The following ZNF689 variants were observed in gnomAD, a reference collection of about 807,000 sequenced individuals.
The protein encoded by ZNF689 is zinc finger protein 689, also known as short ORF-encoded histone-binding protein.
A neutral mutation model predicts 37.2 loss-of-function variants in ZNF689; 14 were observed. The ratio of observed to expected loss-of-function variants is 0.38; its 90% CI spans 0.25 to 0.59. The LOEUF is 0.59. Among genes scored for constraint, ZNF689 ranks in the 20% least tolerant of loss-of-function variants. The pLI, the probability that ZNF689 is intolerant of heterozygous loss-of-function variation, is 0.68. For missense variants in ZNF689, 573 were observed against 700.2 expected, an observed-to-expected ratio of 0.82 and a Z score of 2.05; for synonymous variants, 277 against 283.3, an observed-to-expected ratio of 0.98 and a Z score of 0.22.
chr16:30,608,798 T>C (rs1272017028), intron 2 of ZNF689, among the ~76,000 whole-genome samples: 1 of 152,176 alleles, frequency 6.6e-6, no homozygotes, highest in African/African-American at 2.4e-5. Context: ...CATGGTCAGA[T>C]CTGAATCTTG....
Position 30,610,018 on chromosome 16 carries a change from G to A in ZNF689, c.24C>T (p.Leu8=), listed in dbSNP as rs1481508279. Residue 8 remains leucine (L), a synonymous_variant, in exon 1 of 3, where the codon CTC becomes CTT. Transcript: ENST00000287461. MAPPSAP[L]PAQGPGKARP... ...TGGCCTTTCCTGGTCCCTGCGCAGG[G>A]AGCGGAGCCGAAGGTGGCGCCATGG... 4.4e-6 allele frequency: 7 copies of A among 1,601,136 alleles called. No individual in the cohort carries two copies. The highest frequency in any genetic ancestry group is 6.0e-6 in the Non-Finnish European group (7 of 1,175,312).
In ZNF689 at chr16:30,610,252, G is replaced by T; in HGVS notation, c.-211C>A. The T allele has an allele frequency of 1.7e-6, 1 of 602,008 alleles. No individual in the cohort carries two copies. The allele number at this position is 602,008 out of a possible 1,614,324, so 37.3% of individuals were successfully genotyped here. ...TGCCCGAACTTGGGTGAAAGGCACCGGAAGATGCCTTCGGGGAAAATGGCG... is the reference window on the plus strand; with the variant it reads ...TGCCCGAACTTGGGTGAAAGGCACCTGAAGATGCCTTCGGGGAAAATGGCG... On this transcript the variant is annotated 5_prime_UTR_variant, in exon 1 of 3. Coordinates refer to ENST00000287461, the MANE Select transcript of ZNF689 (RefSeq NM_138447.3).
chr16:30,609,892 C>A lies in ZNF689; in HGVS notation c.150G>T (p.Gln50His). The A allele has an allele frequency of 6.2e-7, 1 of 1,611,954 alleles. No individual in the cohort carries two copies. Among genetic ancestry groups the A allele is most frequent in the Non-Finnish European group, 8.5e-7 (1 of 1,179,414 alleles). ...PEEWGCLRPA[Q>H]RALYRDVMRE... ...GCATCACGTCCCGGTACAGGGCCCT[C>A]TGCGCGGGCCGCAGGCAGCCCCACT... The change falls in exon 1 of 3, where the codon CAG (glutamine) becomes CAT (histidine). Residue 50 changes from glutamine to histidine, a missense_variant. By Grantham distance (24) the Gln-to-His change is conservative (BLOSUM62 0). This residue lies in a region of ZNF689 where 252 missense variants were observed against 313.3 expected (regional missense o/e 0.80). Coordinates refer to ENST00000287461, the MANE Select transcript of ZNF689 (RefSeq NM_138447.3).
chr16:30,609,363 T>G (rs1289464086), intron 2 of ZNF689, 162 bp downstream of exon 2: 2 of 573,450 alleles, frequency 3.5e-6, no homozygotes, highest in African/African-American at 3.8e-5. Context: ...GGAATCTCTG[T>G]GTGGTGGACC....
chr16:30,605,216 C>A lies in ZNF689; in HGVS notation c.551G>T (p.Arg184Leu). The A allele has an allele frequency of 1.9e-6, 3 of 1,614,156 alleles. No individual in the cohort carries two copies. Among genetic ancestry groups the A allele is most frequent in the Non-Finnish European group, 2.5e-6 (3 of 1,180,000 alleles). ...KKPYPCPDCG[R>L]RFSYPSLLVS... ...CAGCAGGGATGGATAGGAAAAGCGG[C>A]GCCCACAGTCTGGGCAAGGGTAAGG... The change falls in exon 3 of 3, where the codon CGC becomes CTC. Residue 184 changes from arginine to leucine, a missense_variant. Around this residue, in one of 3 missense-constraint regions of ZNF689, gnomAD observed 252 missense variants for 313.3 expected, o/e 0.80. Transcript: ENST00000287461. The surrounding 1 kb of genome is among the most constrained non-coding windows in gnomAD (Gnocchi z 5.1).
In ZNF689 at chr16:30,604,966, T is replaced by C. The variant is rs1298746028; in HGVS notation, c.801A>G (p.Gly267=). ...GCAGGGAGGGGTAGGCGAAGCGACG[T>C]CCACAGCTAGGGCACTGGTGGGGTT... is the stretch of plus-strand genomic sequence containing the variant. ...GEKPHQCPSC[G]RRFAYPSLLA... Residue 267 remains glycine, a synonymous_variant, in exon 3 of 3, where the codon GGA becomes GGG. Coordinates refer to ENST00000287461, the MANE Select transcript of ZNF689 (RefSeq NM_138447.3). The surrounding 1 kb of genome is among the most constrained non-coding windows in gnomAD (Gnocchi z 5.2). The C allele has an allele frequency of 3.2e-6, 5 of 1,584,130 alleles. No individual in the cohort carries two copies. The highest frequency in any genetic ancestry group is 3.5e-5 in the Admixed American group (2 of 57,758).
In ZNF689 at chr16:30,604,687, CAGCGTGCTGCGCTGGGAGA is replaced by C; in HGVS notation, c.1061_1079del (p.Phe354CysfsTer235). Reference sequence around the variant, plus strand: ...CGGTGTGCAAGAGCTGGTGCTGGAGCAGCGTGCTGCGCTGGGAGAAGCGGGCCTCACAGTGCTCGCAGGC... The same window carrying C: ...CGGTGTGCAAGAGCTGGTGCTGGAGCAGCGGGCCTCACAGTGCTCGCAGGC... On this transcript the variant is annotated frameshift_variant, in exon 3 of 3. Coordinates refer to ENST00000287461, the MANE Select transcript of ZNF689 (RefSeq NM_138447.3). LOFTEE classifies it high-confidence loss of function. The surrounding 1 kb of genome is among the most constrained non-coding windows in gnomAD (Gnocchi z 5.2). 2 of 1,609,196 alleles carry C rather than the reference CAGCGTGCTGCGCTGGGAGA, an allele frequency of 1.2e-6. No individual in the cohort carries two copies. Among genetic ancestry groups the C allele is most frequent in the Non-Finnish European group, 1.7e-6 (2 of 1,179,160 alleles).
Position 30,605,270 on chromosome 16 carries a change from C to T in ZNF689, c.497G>A (p.Ser166Asn). The T allele has an allele frequency of 6.2e-7, 1 of 1,610,756 alleles. No homozygotes were observed. The highest frequency in any genetic ancestry group is 8.5e-7 in the Non-Finnish European group (1 of 1,177,788). Residue 166 changes from serine (S) to asparagine (N), a missense_variant, in exon 3 of 3, where the codon AGC becomes AAC. Physicochemically the swap from Ser to Asn is conservative, Grantham distance 46. Transcript: ENST00000287461. The surrounding 1 kb of genome is among the most constrained non-coding windows in gnomAD (Gnocchi z 5.1). ...TTTTAGATTCTGGGCGCACTTGTGG[C>T]TCTCCAGGGCCTGATGATCAGGGAA... ...CTFPDHQALE[S>N]HKCAQNLKKP...
chr16:30,604,438 G>A lies in ZNF689; in HGVS notation c.1329C>T (p.His443=). The change falls in exon 3 of 3, where the codon CAC becomes CAT. Residue 443 remains histidine, a synonymous_variant. Coordinates refer to ENST00000287461, the MANE Select transcript of ZNF689 (RefSeq NM_138447.3). The surrounding 1 kb of genome is among the most constrained non-coding windows in gnomAD (Gnocchi z 5.2). ...LCSKRFAQWS[H]LAQHQLLHTG... Reference sequence around the variant, plus strand: ...TGTGCAGCAGCTGGTGCTGGGCCAGGTGGCTCCACTGAGCAAAACGCTTGG... The same window carrying A: ...TGTGCAGCAGCTGGTGCTGGGCCAGATGGCTCCACTGAGCAAAACGCTTGG... 6.2e-7 allele frequency: 1 copy of A among 1,612,858 alleles called. No individual in the cohort carries two copies. The highest frequency in any genetic ancestry group is 8.5e-7 in the Non-Finnish European group (1 of 1,179,614).
intron 1 of ZNF689, 96 bp downstream of exon 1, chr16:30,609,741 C>T (rs2052075891): frequency 1.1e-5 from 17 of 1,576,976 alleles, no homozygotes; most frequent in Non-Finnish European, 1.3e-5. Context: ...CCCCTGACAA[C>T]CTGGTCGCCT....
At chr16:30,609,364 G>A in intron 2 of ZNF689, 161 bp downstream of exon 2, 1 of 531,006 alleles carries the variant, frequency 1.9e-6, no homozygotes, top group East Asian at 3.4e-5. Flanking sequence ...GAATCTCTGT[G>A]TGGTGGACCG....
intron 2 of ZNF689, 175 bp downstream of exon 2, chr16:30,609,350 A>C: frequency 1.8e-6 from 1 of 544,776 alleles, no homozygotes; most frequent in Non-Finnish European, 3.3e-6. Flanking sequence ...GCAGACTGAC[A>C]TAGGAATCTC....
chr16:30,604,018 T>G lies in ZNF689; in HGVS notation c.*246A>C. On this transcript the variant is annotated 3_prime_UTR_variant, in exon 3 of 3. Transcript: ENST00000287461. This position sits in a 1 kb window ranked among gnomAD's most constrained non-coding sequence, Gnocchi z 5.2. ...ATGGGGAGAACTTTTAGCCCTGATA[T>G]CCACACAAACTATTTTAGGATAGGG... 1 of 669,932 alleles carries G rather than the reference T, an allele frequency of 1.5e-6. No homozygotes were observed. The highest frequency in any genetic ancestry group is 2.7e-6 in the Non-Finnish European group (1 of 365,172). 41.5% of individuals were successfully genotyped at this position (669,932 alleles called of 1,614,324 possible).
Position 30,610,288 on chromosome 16 carries a change from C to T in ZNF689, c.-247G>A. The T allele has an allele frequency of 1.8e-6, 1 of 545,222 alleles. No homozygotes were observed. Among genetic ancestry groups the T allele is most frequent in the Non-Finnish European group, 3.2e-6 (1 of 308,056 alleles). 33.8% of individuals were successfully genotyped at this position (545,222 alleles called of 1,614,324 possible). On this transcript the variant is annotated 5_prime_UTR_variant, in exon 1 of 3. Coordinates refer to ENST00000287461, the MANE Select transcript of ZNF689 (RefSeq NM_138447.3). ...TCGGGGAAAATGGCGGCGCTGCTACCGCACCGCCTTTGCCTGGAACACAGG... is the reference window on the plus strand; with the variant it reads ...TCGGGGAAAATGGCGGCGCTGCTACTGCACCGCCTTTGCCTGGAACACAGG...
At position 30,605,566 on chromosome 16, in the gene ZNF689, A is replaced by C; in HGVS notation, c.320-119T>G. ...GGTCTCAATTCCTAGTGCCACAGAC[A>C]GCTAAGTGTGACATACTGTCATGCA... is the stretch of plus-strand genomic sequence containing the variant. On this transcript the variant is annotated intron_variant, in intron 2 of 2. Transcript: ENST00000287461. This position sits in a 1 kb window ranked among gnomAD's most constrained non-coding sequence, Gnocchi z 5.1. The C allele has an allele frequency of 9.6e-7, 1 of 1,043,610 alleles. No individual in the cohort carries two copies. 64.6% of individuals were successfully genotyped at this position (1,043,610 alleles called of 1,614,324 possible).
At chr16:30,606,027 G>A (rs1022153811) in intron 2 of ZNF689, among the ~76,000 whole-genome samples, 1 of 152,050 alleles carries the variant, frequency 6.6e-6, no homozygotes, top group Non-Finnish European at 1.5e-5. Context: ...AGCCAGGCAT[G>A]GTTGCTCATG....
Position 30,610,103 on chromosome 16 carries a change from G to A in ZNF689, c.-62C>T, listed in dbSNP as rs894790746. 3.3e-6 allele frequency: 5 copies of A among 1,516,860 alleles called. No individual in the cohort carries two copies. In the African/African-American group the frequency reaches 5.6e-5, roughly 17 times the overall value. 94.0% of individuals were successfully genotyped at this position (1,516,860 alleles called of 1,614,324 possible). A position where few individuals can be genotyped will look rare whatever the true frequency, so the allele number is the denominator to read the frequency against. On this transcript the variant is annotated 5_prime_UTR_variant, in exon 1 of 3. Coordinates refer to ENST00000287461, the MANE Select transcript of ZNF689 (RefSeq NM_138447.3). ...CAGGCCTCGGCCCTCGGGCGCTGGC[G>A]GCCCCTGGGATCGAGGAGCCCCTGC...
rs907805125 is a variant in ZNF689, at chr16:30,604,557, C to T, written c.1210G>A (p.Asp404Asn). ...TAGGCAAAGCGGCGACCACAGTCGT[C>T]GCAGGCGTGCAGCTTCTCCTCTGTG... ...THTEEKLHACDDCGRRFAYPS... is the reference protein window; with the variant it reads ...THTEEKLHACNDCGRRFAYPS... Residue 404 changes from aspartate (D) to asparagine (N), a missense_variant, in exon 3 of 3, where the codon GAC becomes AAC. Physicochemically the swap from Asp to Asn is conservative, Grantham distance 23. Around this residue, in one of 3 missense-constraint regions of ZNF689, gnomAD observed 317 missense variants for 367.1 expected, o/e 0.86. Coordinates refer to ENST00000287461, the MANE Select transcript of ZNF689 (RefSeq NM_138447.3). This position sits in a 1 kb window ranked among gnomAD's most constrained non-coding sequence, Gnocchi z 5.2. 1.3e-6 allele frequency: 2 copies of T among 1,587,386 alleles called. No homozygotes were observed. The highest frequency in any genetic ancestry group is 1.4e-5 in the African/African-American group (1 of 74,072).
rs574938333 is a variant in ZNF689 at position 30,605,621 on chromosome 16, C to A, written c.320-174G>T. 6.6e-6 allele frequency among the ~76,000 whole-genome samples: 1 copy of A among 152,120 alleles called. No individual in the cohort carries two copies. Among genetic ancestry groups the A allele is most frequent in the East Asian group, 1.9e-4 (1 of 5,202 alleles). On this transcript the variant is annotated intron_variant, in intron 2 of 2. Transcript: ENST00000287461. The surrounding 1 kb of genome is among the most constrained non-coding windows in gnomAD (Gnocchi z 5.1). ...CGGTGTGCATTACAGGAGCTTCTAACCCAGCTTGGAGAAGTCTAGGAAGAT... is the reference window on the plus strand; with the variant it reads ...CGGTGTGCATTACAGGAGCTTCTAAACCAGCTTGGAGAAGTCTAGGAAGAT...
Sources: allele counts gnomAD v4.1 joint callset (sites outside exome capture counted in the v4.1 genomes callset), GRCh38; gene constraint gnomAD v4.1.1; regional missense constraint gnomAD v4.1.1; non-coding constraint Gnocchi (gnomAD v3.1); transcripts MANE v1.5; gene names NCBI Gene and HGNC (gene_info 2026-07-23, HGNC 2026-07-21).